LOXHD1: variants seen among roughly 807,000 people sequenced by gnomAD.
LOXHD1 encodes the protein lipoxygenase homology PLAT domains 1.
Under a neutral mutation model 248.2 loss-of-function variants are expected in LOXHD1, and 205 were observed. The ratio of observed to expected loss-of-function variants is 0.83; its 90% CI spans 0.74 to 0.93. The LOEUF is 0.93. Among genes scored for constraint, LOXHD1 ranks in the 40% least tolerant of loss-of-function variants. The probability of loss-of-function intolerance (pLI) is 0.00; values close to 1 mark genes in which losing one functional copy is unlikely to be tolerated. For missense variants in LOXHD1, 2,930 were observed against 2,971.6 expected (o/e 0.99, Z 0.33); for synonymous variants, 1,113 against 1,162.8 (o/e 0.96, Z 0.87).
chr18:46,582,267 T>C (rs115565414), intron 12 of LOXHD1, among the ~76,000 whole-genome samples: 5,007 of 152,216 alleles, frequency 0.033, 278 homozygotes, highest in African/African-American at 0.11. Flanking sequence ...ATTACAATAA[T>C]AGCATGAAGG....
chr18:46,498,587 C>G (rs757433803), intron 37 of LOXHD1, among the ~76,000 whole-genome samples: 2 of 152,168 alleles, frequency 1.3e-5, no homozygotes, highest in African/African-American at 4.8e-5. Flanking sequence ...TTCCAGCAAT[C>G]CTTGGTGTTC....
At chr18:46,527,605 G>A (rs1020163189) in intron 29 of LOXHD1, among the ~76,000 whole-genome samples, 1 of 152,182 alleles carries the variant, frequency 6.6e-6, no homozygotes, top group African/African-American at 2.4e-5. Context: ...AGCATCTGGG[G>A]ACCTGATAAA....
At chr18:46,550,008 A>G (rs1343528772) in intron 21 of LOXHD1, among the ~76,000 whole-genome samples, 1 of 152,238 alleles carries the variant, frequency 6.6e-6, no homozygotes. Flanking sequence ...AGCTAGTTAG[A>G]GTATTGAAAG....
At chr18:46,551,958 A>G (rs2037125014) in intron 21 of LOXHD1, among the ~76,000 whole-genome samples, 1 of 152,266 alleles carries the variant, frequency 6.6e-6, no homozygotes, top group Admixed American at 6.5e-5. Context: ...ACACAAAAAG[A>G]CAAATTCTGT....
In LOXHD1 at chr18:46,507,728, C is replaced by T. The variant is rs1347738978; in HGVS notation, c.5518-16G>A. ...TCAGTAGGATCTGGGGGAGAGGGAG[C>T]CACCGTGGGAATGCCCTGTCCTCCC... is the stretch of plus-strand genomic sequence containing the variant. On this transcript the variant is annotated splice_polypyrimidine_tract_variant and intron_variant, in intron 35 of 40. Transcript: ENST00000642948. 2.6e-6 allele frequency: 4 copies of T among 1,544,254 alleles called. No homozygotes were observed. The highest frequency in any genetic ancestry group is 3.5e-6 in the Non-Finnish European group (4 of 1,141,702).
chr18:46,637,156 A>G (rs2038902765), intron 4 of LOXHD1, among the ~76,000 whole-genome samples: 2 of 104,936 alleles, frequency 1.9e-5, no homozygotes, highest in Admixed American at 2.5e-4. Flanking sequence ...CAAAACAAAA[A>G]CAGGAAACAA....
At chr18:46,556,867 T>A (rs560612614) in intron 21 of LOXHD1, 2 of 208,276 alleles carry the variant, frequency 9.6e-6, no homozygotes, top group African/African-American at 5.5e-5. Flanking sequence ...CCCTGTGACG[T>A]CACAGCCACT....
At chr18:46,613,951 G>T (rs926925442) in intron 5 of LOXHD1, among the ~76,000 whole-genome samples, 1 of 151,932 alleles carries the variant, frequency 6.6e-6, no homozygotes, top group Non-Finnish European at 1.5e-5. Context: ...AGATTTTTAG[G>T]TCTTTCACAT....
At chr18:46,566,809 C>A (rs766666819) in intron 16 of LOXHD1, among the ~76,000 whole-genome samples, 9 of 152,172 alleles carry the variant, frequency 5.9e-5, no homozygotes, top group African/African-American at 1.2e-4. Context: ...AAATGTTTGC[C>A]ATCACCTTCC....
rs940145715 is a variant in LOXHD1 at position 46,485,160 on chromosome 18, G to A, written c.6050-9C>T. ...TATGACGATCTCGTAGGCTGTAATG[G>A]AGGAGGTGGGGGAGGGTCAGCACAG... On this transcript the variant is annotated splice_polypyrimidine_tract_variant and intron_variant, in intron 38 of 40. Transcript: ENST00000642948. The A allele has an allele frequency of 6.5e-7, 1 of 1,548,782 alleles. No homozygotes were observed. Among genetic ancestry groups the A allele is most frequent in the Non-Finnish European group, 8.7e-7 (1 of 1,145,478 alleles).
intron 37 of LOXHD1, among the ~76,000 whole-genome samples, chr18:46,501,102 G>C (rs2034198704): frequency 6.6e-6 from 1 of 152,180 alleles, no homozygotes; most frequent in African/African-American, 2.4e-5. Flanking sequence ...ATGCCTAACA[G>C]TAAGTACTCA....
chr18:46,572,488 A>G (rs2037771589), intron 14 of LOXHD1, among the ~76,000 whole-genome samples: 1 of 152,126 alleles, frequency 6.6e-6, no homozygotes, highest in African/African-American at 2.4e-5. Flanking sequence ...GATGGAACAG[A>G]GCCCGCAGGA....
intron 35 of LOXHD1, among the ~76,000 whole-genome samples, chr18:46,508,071 G>C (rs974595889): frequency 1.3e-5 from 2 of 152,170 alleles, no homozygotes; most frequent in African/African-American, 4.8e-5. Context: ...CAAACACCTG[G>C]GAGCAGAACG....
chr18:46,504,605 T>C (rs1193702374), intron 37 of LOXHD1, among the ~76,000 whole-genome samples: 1 of 152,252 alleles, frequency 6.6e-6, no homozygotes, highest in East Asian at 1.9e-4. Flanking sequence ...CTGAGTTTAT[T>C]CTGTGTTATG....
intron 17 of LOXHD1, among the ~76,000 whole-genome samples, chr18:46,563,861 G>A (rs115898810): frequency 0.017 from 2,567 of 152,240 alleles, 77 homozygotes; most frequent in African/African-American, 0.054. Flanking sequence ...GGAGAGACCA[G>A]GTGAGTCCAC....
rs533828333 is a variant in LOXHD1, at chr18:46,597,903, G to A, written c.1134+3314C>T. Among the ~76,000 whole-genome samples, 5 of 149,784 alleles carry A rather than the reference G, an allele frequency of 3.3e-5. No homozygotes were observed. In the East Asian group the frequency reaches 7.9e-4, roughly 24 times the overall value. On this transcript the variant is annotated intron_variant, in intron 8 of 40. Transcript: ENST00000642948. The stretch of plus-strand genomic sequence containing the variant: ...TCCCAAGTAGCTGGGACAGGCGCCC[G>A]CCGCCACACCTGGCTAATTTTTTGC...
At chr18:46,575,985 C>A (rs1030536379) in intron 14 of LOXHD1, among the ~76,000 whole-genome samples, 2 of 152,154 alleles carry the variant, frequency 1.3e-5, no homozygotes, top group Non-Finnish European at 2.9e-5. Context: ...CTGGTGCTCT[C>A]CTCTTCATTC....
chr18:46,626,186 A>G (rs2038739985), intron 4 of LOXHD1, among the ~76,000 whole-genome samples: 1 of 152,228 alleles, frequency 6.6e-6, no homozygotes, highest in Non-Finnish European at 1.5e-5. Flanking sequence ...CAACCTAAAG[A>G]TATCCAAAAT....
intron 5 of LOXHD1, among the ~76,000 whole-genome samples, chr18:46,615,002 T>G (rs1008546312): frequency 1.3e-5 from 2 of 152,214 alleles, no homozygotes; most frequent in Non-Finnish European, 2.9e-5. Context: ...TGATTACAGA[T>G]CTCCTTGGAA....
Sources: gnomAD v4.1 joint callset for allele counts (sites outside exome capture counted in the v4.1 genomes callset) on GRCh38, gnomAD v4.1.1 for gene constraint, MANE v1.5 for transcripts, NCBI Gene and HGNC (gene_info 2026-07-23, HGNC 2026-07-21) for gene names.